The following NSUN6 variants were observed in gnomAD, a reference collection of about 807,000 sequenced individuals.
The protein encoded by NSUN6 is NOP2/Sun RNA methyltransferase 6.
In NSUN6, 64 loss-of-function variants were observed where a neutral mutation model predicts 58.0. That is an observed-to-expected ratio of 1.10 (90% confidence interval 0.90 to 1.36). The LOEUF (loss-of-function observed/expected upper bound fraction) is 1.36, where lower values mean the gene tolerates loss of function less well. Ranked by LOEUF, NSUN6 falls within the 40% of genes most tolerant of loss-of-function variation. The pLI is 0.00. For synonymous variants in NSUN6, 231 were observed against 193.9 expected, an observed-to-expected ratio of 1.19 and a Z score of -1.59; for missense variants, 701 against 550.1, an observed-to-expected ratio of 1.27 and a Z score of -2.74.
At chr10:18,586,690 C>A (rs2057160690) in intron 7 of NSUN6, among the ~76,000 whole-genome samples, 1 of 152,210 alleles carries the variant, frequency 6.6e-6, no homozygotes, top group Admixed American at 6.5e-5. Flanking sequence ...AAAGGTAGTG[C>A]AGACCCAAAG....
chr10:18,546,773 G>C (rs1361268757), intron 10 of NSUN6, among the ~76,000 whole-genome samples: 5 of 151,994 alleles, frequency 3.3e-5, no homozygotes, highest in Non-Finnish European at 7.4e-5. Context: ...AGTTACTTGG[G>C]AGGCTGAGGC....
chr10:18,629,920 G>C (rs1196317383), intron 3 of NSUN6, among the ~76,000 whole-genome samples: 4 of 150,254 alleles, frequency 2.7e-5, no homozygotes, highest in African/African-American at 7.4e-5. Flanking sequence ...GACATCTACA[G>C]AACTCTCCAC....
chr10:18,554,550 A>G (rs140960350), intron 8 of NSUN6, among the ~76,000 whole-genome samples: 307 of 151,226 alleles, frequency 2.0e-3, no homozygotes, highest in Non-Finnish European at 3.7e-3. Flanking sequence ...AATGGAATAG[A>G]GAATTGAATG....
chr10:18,588,911 G>A (rs1029095967), intron 7 of NSUN6, among the ~76,000 whole-genome samples: 1 of 152,176 alleles, frequency 6.6e-6, no homozygotes, highest in Non-Finnish European at 1.5e-5. Context: ...ACTGGACAGG[G>A]AATGAGACTG....
chr10:18,596,218 A>T lies in NSUN6; in HGVS notation c.767T>A (p.Met256Lys). 1.2e-6 allele frequency: 2 copies of T among 1,611,560 alleles called. No homozygotes were observed. The highest frequency in any genetic ancestry group is 1.1e-5 in the South Asian group (1 of 91,030). The change falls in exon 7 of 11, where the codon ATG becomes AAG. Residue 256 changes from methionine (M) to lysine (K), a missense_variant. Met to Lys is a moderately conservative substitution (Grantham distance 95). Coordinates refer to ENST00000377304, the MANE Select transcript of NSUN6 (RefSeq NM_182543.5). ...GGKTTHIAALMHDQGEVIALD... is the reference protein window; with the variant it reads ...GGKTTHIAALKHDQGEVIALD... ...TGAAGACAGTCTCACCTGATCATGCATTAGTGCTGCAATGTGTGTTGTTTT... is the reference window on the plus strand; with the variant it reads ...TGAAGACAGTCTCACCTGATCATGCTTTAGTGCTGCAATGTGTGTTGTTTT...
intron 7 of NSUN6, 25 bp from the exon 8 acceptor site, chr10:18,586,118 T>G: frequency 1.4e-6 from 2 of 1,472,416 alleles, no homozygotes; most frequent in African/African-American, 1.5e-5. Context: ...AACACACACA[T>G]GCAGAAAAAA....
intron 8 of NSUN6, among the ~76,000 whole-genome samples, chr10:18,553,901 AGAATG>A (rs199499418): frequency 1.3e-5 from 2 of 150,862 alleles, no homozygotes; most frequent in East Asian, 3.9e-4. Flanking sequence ...AATGAGATGG[AGAATG>A]GAATGGAATG....
At chr10:18,567,143 TCTCCATTACATC>T (rs1461930582) in intron 8 of NSUN6, among the ~76,000 whole-genome samples, 5 of 150,824 alleles carry the variant, frequency 3.3e-5, no homozygotes, top group Admixed American at 6.7e-5. Context: ...TCCATTCCAT[TCTCCATTACATC>T]CTCCATTACA....
intron 6 of NSUN6, among the ~76,000 whole-genome samples, chr10:18,606,550 C>G (rs2058054524): frequency 6.6e-6 from 1 of 152,096 alleles, no homozygotes; most frequent in Non-Finnish European, 1.5e-5. Flanking sequence ...AGCTACGTAC[C>G]TAACATTCAT....
intron 3 of NSUN6, among the ~76,000 whole-genome samples, chr10:18,633,309 T>C (rs952848433): frequency 6.6e-6 from 1 of 150,832 alleles, no homozygotes; most frequent in Non-Finnish European, 1.5e-5. Flanking sequence ...ATATACCTAA[T>C]GCTAGATGAT....
At chr10:18,629,957 T>G (rs1170851862) in intron 3 of NSUN6, among the ~76,000 whole-genome samples, 12 of 150,772 alleles carry the variant, frequency 8.0e-5, no homozygotes, top group Non-Finnish European at 1.6e-4. Context: ...ATACATTTTT[T>G]TCAGCACCAC....
At chr10:18,611,294 G>C (rs560064347) in intron 5 of NSUN6, among the ~76,000 whole-genome samples, 46 of 152,236 alleles carry the variant, frequency 3.0e-4, no homozygotes, top group African/African-American at 1.0e-3. Context: ...GATGAGCAAA[G>C]ATAAAGTCTT....
chr10:18,612,400 G>C (rs1474806151), intron 5 of NSUN6, among the ~76,000 whole-genome samples: 1 of 152,164 alleles, frequency 6.6e-6, no homozygotes, highest in Non-Finnish European at 1.5e-5. Flanking sequence ...CTTAATGACA[G>C]AGCGAGACCC....
chr10:18,589,756 A>C (rs1296572474), intron 7 of NSUN6, among the ~76,000 whole-genome samples: 1 of 152,222 alleles, frequency 6.6e-6, no homozygotes, highest in African/African-American at 2.4e-5. Context: ...CTCCTAAAGG[A>C]AGCACTAAAT....
At position 18,574,367 on chromosome 10, in the gene NSUN6, G is replaced by A. The variant is rs138454823; in HGVS notation, c.922+11582C>T. Reference sequence around the variant, plus strand: ...TGAAGCCATTATGTTAGAAAAGAATGATTTAACATAGACCACCGAAAATTC... The same window carrying A: ...TGAAGCCATTATGTTAGAAAAGAATAATTTAACATAGACCACCGAAAATTC... On this transcript the variant is annotated intron_variant, in intron 8 of 10. Transcript: ENST00000377304. 6.0e-3 allele frequency among the ~76,000 whole-genome samples: 919 copies of A among 152,128 alleles called. 8 individuals carry two copies. The highest frequency in any genetic ancestry group is 0.021 in the African/African-American group (883 of 41,490).
At chr10:18,622,480 G>A (rs1402337073) in intron 3 of NSUN6, among the ~76,000 whole-genome samples, 4 of 152,166 alleles carry the variant, frequency 2.6e-5, no homozygotes, top group East Asian at 1.9e-4. Flanking sequence ...TTAGGAGTAC[G>A]AGGTGGGCAG....
chr10:18,555,941 AG>A (rs2054983085), intron 8 of NSUN6, among the ~76,000 whole-genome samples: 1 of 129,920 alleles, frequency 7.7e-6, no homozygotes, highest in East Asian at 2.5e-4. Flanking sequence ...GGAGAATGGA[AG>A]GGAATGGAAT....
At chr10:18,633,133 A>G (rs931379927) in intron 3 of NSUN6, among the ~76,000 whole-genome samples, 1 of 152,036 alleles carries the variant, frequency 6.6e-6, no homozygotes, top group African/African-American at 2.4e-5. Flanking sequence ...GGAAATCATC[A>G]TTCTCAGTAA....
intron 6 of NSUN6, among the ~76,000 whole-genome samples, chr10:18,603,112 G>A (rs1035364404): frequency 5.9e-5 from 9 of 152,108 alleles, no homozygotes; most frequent in African/African-American, 2.2e-4. Context: ...GGCCAACATG[G>A]CAAAACCCTG....
Sources: allele counts gnomAD v4.1 joint callset (sites outside exome capture counted in the v4.1 genomes callset), GRCh38; gene constraint gnomAD v4.1.1; transcripts MANE v1.5; gene names NCBI Gene and HGNC (gene_info 2026-07-23, HGNC 2026-07-21).